LPP: variants seen among roughly 807,000 people sequenced by gnomAD.
LPP encodes the protein lipoma-preferred partner.
Under a neutral mutation model 60.4 loss-of-function variants are expected in LPP, and 38 were observed. That is an observed-to-expected ratio of 0.63 (90% CI 0.49 to 0.83). The LOEUF is 0.83. Ranked by LOEUF, LPP falls within the 40% of genes least tolerant of loss-of-function variation. LPP has a pLI of 0.00. For missense variants in LPP, 902 were observed against 783.6 expected (o/e 1.15, Z -1.80); for synonymous variants, 328 against 290.8 (o/e 1.13, Z -1.30).
intron 1 of LPP, among the ~76,000 whole-genome samples, chr3:188,173,195 T>G (rs1168689232): frequency 6.6e-6 from 1 of 152,124 alleles, no homozygotes; most frequent in Non-Finnish European, 1.5e-5. Context: ...TAGAGAAGGA[T>G]TCCTTATAGA....
chr3:188,319,053 C>T (rs528679159), intron 2 of LPP, among the ~76,000 whole-genome samples: 7 of 152,150 alleles, frequency 4.6e-5, no homozygotes, highest in Admixed American at 2.6e-4. Context: ...CCACCGCGCC[C>T]GGCCAAAAAT....
intron 6 of LPP, among the ~76,000 whole-genome samples, chr3:188,546,774 G>T (rs758445826): frequency 9.2e-5 from 14 of 152,248 alleles, no homozygotes; most frequent in South Asian, 2.1e-4. Flanking sequence ...TGGGATGTTT[G>T]TCAGAGTCCA....
intron 8 of LPP, among the ~76,000 whole-genome samples, chr3:188,730,657 A>C (rs1720121406): frequency 6.6e-6 from 1 of 152,328 alleles, no homozygotes; most frequent in African/African-American, 2.4e-5. Flanking sequence ...GGGTTGTGTC[A>C]ATAAGTGTTT....
chr3:188,247,086 C>T, intron 2 of LPP: 1 of 605,056 alleles, frequency 1.7e-6, no homozygotes, highest in Middle Eastern at 8.6e-4. Flanking sequence ...TCAGATCACT[C>T]TAATTTCCTG....
chr3:188,816,128 TA>T, intron 9 of LPP, among the ~76,000 whole-genome samples: 1 of 152,034 alleles, frequency 6.6e-6, no homozygotes, highest in South Asian at 2.1e-4. Context: ...AACTGCTGTA[TA>T]GACACTTTTC....
rs114828771 is a variant in LPP at position 188,746,757 on chromosome 3, G to A, written c.1241-13356G>A. ...GGATTTGGATATATGTTTACTAAAT[G>A]TGATAATCTAAGTATGGAAACTACA... is the stretch of plus-strand genomic sequence containing the variant. On this transcript the variant is annotated intron_variant, in intron 8 of 11. Transcript: ENST00000617246. 7.3e-3 allele frequency: 1,868 copies of A among 255,698 alleles called. 34 individuals carry two copies. The highest frequency in any genetic ancestry group is 0.034 in the African/African-American group (1,542 of 44,818). 15.8% of individuals were successfully genotyped at this position (255,698 alleles called of 1,614,324 possible). A position where few individuals can be genotyped will look rare whatever the true frequency, so the allele number is the denominator to read the frequency against.
intron 9 of LPP, among the ~76,000 whole-genome samples, chr3:188,837,393 T>TAATAAC (rs965720140): frequency 1.4e-5 from 2 of 147,398 alleles, no homozygotes; most frequent in African/African-American, 5.0e-5. Context: ...ATAATAATAA[T>TAATAAC]AATAATAATA....
intron 9 of LPP, among the ~76,000 whole-genome samples, chr3:188,773,003 GAA>G (rs1736579780): frequency 6.6e-6 from 1 of 152,138 alleles, no homozygotes; most frequent in Admixed American, 6.6e-5. Flanking sequence ...AGATTGAAGG[GAA>G]AGATGTGAGA....
intron 2 of LPP, among the ~76,000 whole-genome samples, chr3:188,307,636 C>T (rs370158680): frequency 6.6e-6 from 1 of 152,168 alleles, no homozygotes; most frequent in Admixed American, 6.5e-5. Context: ...TTTGTTGTAT[C>T]CCCACCTAGG....
At chr3:188,393,783 C>G (rs1457120161) in intron 3 of LPP, among the ~76,000 whole-genome samples, 1 of 152,120 alleles carries the variant, frequency 6.6e-6, no homozygotes, top group African/African-American at 2.4e-5. Context: ...ATGGGATATA[C>G]TGTGTATTAG....
chr3:188,529,130 G>T (rs1821462264), intron 6 of LPP, among the ~76,000 whole-genome samples: 1 of 152,182 alleles, frequency 6.6e-6, no homozygotes, highest in Non-Finnish European at 1.5e-5. Context: ...TGGTGGAACT[G>T]AATTAGATGT....
chr3:188,818,866 G>A (rs1375112040), intron 9 of LPP, among the ~76,000 whole-genome samples: 1 of 152,132 alleles, frequency 6.6e-6, no homozygotes, highest in Non-Finnish European at 1.5e-5. Flanking sequence ...TCCTTCCCAG[G>A]CTTTTGCTGG....
intron 8 of LPP, among the ~76,000 whole-genome samples, chr3:188,734,417 T>A (rs1386913881): frequency 1.3e-5 from 2 of 152,248 alleles, no homozygotes. Context: ...CTGAATTTGG[T>A]ATTTTGTCAG....
At chr3:188,648,975 G>A (rs1300651760) in intron 7 of LPP, among the ~76,000 whole-genome samples, 1 of 152,194 alleles carries the variant, frequency 6.6e-6, no homozygotes, top group Non-Finnish European at 1.5e-5. Context: ...AGGGAAAAGA[G>A]TGTTTGCTTG....
intron 2 of LPP, among the ~76,000 whole-genome samples, chr3:188,276,695 T>TCTCTCTCTC (rs1739908128): frequency 6.1e-4 from 10 of 16,418 alleles, no homozygotes; most frequent in African/African-American, 4.4e-3. Context: ...CTCTCTCTCT[T>TCTCTCTCTC]TCTCTCTCTC....
intron 6 of LPP, among the ~76,000 whole-genome samples, chr3:188,547,399 T>C (rs1198216133): frequency 1.3e-5 from 2 of 152,184 alleles, no homozygotes; most frequent in African/African-American, 4.8e-5. Flanking sequence ...CTGTCAGGGC[T>C]AGAAAGTCCC....
At chr3:188,339,433 A>G (rs903274953) in intron 2 of LPP, among the ~76,000 whole-genome samples, 1 of 152,222 alleles carries the variant, frequency 6.6e-6, no homozygotes, top group Non-Finnish European at 1.5e-5. Flanking sequence ...TCACGCTGCT[A>G]TAAAGAACTG....
At chr3:188,832,407 G>A (rs1352386280) in intron 9 of LPP, among the ~76,000 whole-genome samples, 1 of 152,106 alleles carries the variant, frequency 6.6e-6, no homozygotes, top group Non-Finnish European at 1.5e-5. Flanking sequence ...GAATGTGCCT[G>A]GAAAAGATTC....
At chr3:188,659,599 G>A (rs1854105306) in intron 7 of LPP, among the ~76,000 whole-genome samples, 1 of 152,110 alleles carries the variant, frequency 6.6e-6, no homozygotes, top group Non-Finnish European at 1.5e-5. Flanking sequence ...TTGGTAGCTT[G>A]GGATGGGATC....
Sources: allele counts gnomAD v4.1 joint callset (sites outside exome capture counted in the v4.1 genomes callset), GRCh38; gene constraint gnomAD v4.1.1; transcripts MANE v1.5; gene names NCBI Gene and HGNC (gene_info 2026-07-23, HGNC 2026-07-21).